The following KATNAL2 variants were observed in gnomAD, a reference collection of about 807,000 sequenced individuals.
KATNAL2 encodes the protein katanin p60 ATPase-containing subunit A-like 2.
A neutral mutation model predicts 76.3 loss-of-function variants in KATNAL2; 52 were observed. The ratio of observed to expected loss-of-function variants is 0.68; its 90% CI spans 0.55 to 0.86. The LOEUF (loss-of-function observed/expected upper bound fraction) is 0.86. Among genes scored for constraint, KATNAL2 ranks in the 40% least tolerant of loss-of-function variants. KATNAL2 has a pLI of 0.00. For missense variants in KATNAL2, 660 were observed against 668.9 expected (o/e 0.99, Z 0.15); for synonymous variants, 243 against 244.2 (o/e 1.00, Z 0.05).
chr18:47,069,160 T>G, intron 11 of KATNAL2, 60 bp from the exon 12 acceptor site: 2 of 1,188,452 alleles, frequency 1.7e-6, no homozygotes, highest in Non-Finnish European at 2.5e-6. Context: ...TTGTCTGTGC[T>G]GAGAGTATGC....
At chr18:47,065,738 C>G (rs1038552588) in intron 10 of KATNAL2, among the ~76,000 whole-genome samples, 2 of 152,002 alleles carry the variant, frequency 1.3e-5, no homozygotes, top group Non-Finnish European at 2.9e-5. Flanking sequence ...AATCTCAGCA[C>G]TTTGGGAGGC....
At chr18:46,933,917 G>C (rs1156517518) in intron 1 of KATNAL2, among the ~76,000 whole-genome samples, 1 of 148,840 alleles carries the variant, frequency 6.7e-6, no homozygotes, top group African/African-American at 2.5e-5. Context: ...TTGTCCTTGC[G>C]ATAGTTTGCT....
At chr18:46,962,239 G>A (rs2060002737) in intron 3 of KATNAL2, among the ~76,000 whole-genome samples, 2 of 137,608 alleles carry the variant, frequency 1.5e-5, no homozygotes, top group Non-Finnish European at 3.0e-5. Flanking sequence ...GGGCTGCAGC[G>A]ATCTGCTTTC....
intron 3 of KATNAL2, among the ~76,000 whole-genome samples, chr18:47,031,432 T>C (rs549241138): frequency 5.1e-4 from 78 of 152,064 alleles, no homozygotes; most frequent in African/African-American, 1.5e-3. Flanking sequence ...TCTTTTTGTG[T>C]GTGTTGTGGT....
intron 15 of KATNAL2, among the ~76,000 whole-genome samples, chr18:47,081,951 CATTCAG>C (rs1416749076): frequency 2.6e-5 from 4 of 152,118 alleles, no homozygotes; most frequent in African/African-American, 9.7e-5. Flanking sequence ...TAGTATTTCC[CATTCAG>C]ATTTAGGATT....
rs555598131 is a variant in KATNAL2, at chr18:47,034,897, G to C, written c.52-11560G>C. ...TGTCCGTCTGTGCTCAGGGCTGTGA[G>C]ATGGGCTCCTGGGGGCCGTCGCGTT... is the stretch of plus-strand genomic sequence containing the variant. On this transcript the variant is annotated intron_variant, in intron 3 of 17. Coordinates refer to ENST00000683218, the MANE Select transcript of KATNAL2 (RefSeq NM_001387690.1). The C allele has an allele frequency of 3.1e-6, 5 of 1,612,114 alleles. No homozygotes were observed. In the South Asian group the frequency reaches 4.4e-5, roughly 14 times the overall value.
chr18:47,080,309 T>G (rs1437462773), intron 15 of KATNAL2, among the ~76,000 whole-genome samples: 1 of 152,174 alleles, frequency 6.6e-6, no homozygotes, highest in Non-Finnish European at 1.5e-5. Flanking sequence ...CCCTAAAATT[T>G]TATTGAGATA....
chr18:47,085,198 T>C (rs2062718337), intron 15 of KATNAL2, among the ~76,000 whole-genome samples: 2 of 152,222 alleles, frequency 1.3e-5, no homozygotes, highest in African/African-American at 4.8e-5. Flanking sequence ...CCCAGCAATG[T>C]CCTCATGGTC....
At chr18:47,069,154 C>A in intron 11 of KATNAL2, 66 bp from the exon 12 acceptor site, 1 of 1,124,356 alleles carries the variant, frequency 8.9e-7, no homozygotes, top group Non-Finnish European at 1.3e-6. Context: ...CCCAGCTTGT[C>A]TGTGCTGAGA....
At chr18:47,032,836 G>C (rs762644812) in intron 3 of KATNAL2, 5 of 1,354,268 alleles carry the variant, frequency 3.7e-6, no homozygotes, top group Non-Finnish European at 3.0e-6. Context: ...GCTGGGTGTG[G>C]GAGGCAAAAT....
intron 15 of KATNAL2, among the ~76,000 whole-genome samples, chr18:47,087,532 C>G (rs1243601823): frequency 6.6e-6 from 1 of 151,982 alleles, no homozygotes; most frequent in African/African-American, 2.4e-5. Context: ...ACAACAGACC[C>G]TGAGGCCTGC....
Position 47,069,582 on chromosome 18 carries a change from T to C in KATNAL2, c.990T>C (p.Asp330=). 6.2e-7 allele frequency: 1 copy of C among 1,612,866 alleles called. No homozygotes were observed. Among genetic ancestry groups the C allele is most frequent in the Non-Finnish European group, 8.5e-7 (1 of 1,179,246 alleles). Residue 330 remains aspartate (D), a synonymous_variant, in exon 13 of 18, where the codon GAT becomes GAC. Coordinates refer to ENST00000683218, the MANE Select transcript of KATNAL2 (RefSeq NM_001387690.1). ...ASTIVSKWRG[D]SEKLVRVLFE... is the part of the protein sequence containing the mutation. ...CCATTGTCAGCAAATGGAGAGGGGATTCAGAAAAACTCGTTCGGGTAGGAA... is the reference window on the plus strand; with the variant it reads ...CCATTGTCAGCAAATGGAGAGGGGACTCAGAAAAACTCGTTCGGGTAGGAA...
intron 1 of KATNAL2, among the ~76,000 whole-genome samples, chr18:46,945,340 T>G (rs979893174): frequency 1.3e-5 from 2 of 152,234 alleles, no homozygotes; most frequent in Non-Finnish European, 2.9e-5. Flanking sequence ...GTATAGTGAT[T>G]GTTAGAAGAA....
chr18:46,932,641 T>C (rs1021056578), intron 1 of KATNAL2, among the ~76,000 whole-genome samples: 5 of 120,988 alleles, frequency 4.1e-5, no homozygotes, highest in Admixed American at 1.0e-4. Flanking sequence ...GCCACTGCAC[T>C]CTAGCTTGGG....
At chr18:47,077,322 T>C (rs2062283593) in intron 14 of KATNAL2, 29 bp from the exon 15 acceptor site, 8 of 1,541,344 alleles carry the variant, frequency 5.2e-6, no homozygotes, top group Non-Finnish European at 7.2e-6. Context: ...CTCTGACACT[T>C]AGGAGAATCA....
chr18:46,920,032 G>GA, intron 1 of KATNAL2: 1 of 1,286,230 alleles, frequency 7.8e-7, no homozygotes, highest in Non-Finnish European at 1.0e-6. Context: ...AGTAAGAAAA[G>GA]AAAAGCAAAG....
chr18:47,071,902 T>A (rs8088604), intron 13 of KATNAL2, among the ~76,000 whole-genome samples: 141,712 of 141,726 alleles, frequency 1, 70,849 homozygotes, highest in Middle Eastern at 1. Flanking sequence ...CAAAAAAAAT[T>A]AATTAAAAAA....
rs190801830 is a variant in KATNAL2, at chr18:46,933,514, T to C, written c.-509-12543T>C. ...GTCTGGTTTTATACTAATCAGGAAA[T>C]CTGAAACCCAGAATGTTGAATAAAC... On this transcript the variant is annotated intron_variant, in intron 1 of 17. Transcript: ENST00000683218. Among the ~76,000 whole-genome samples, 608 of 152,182 alleles carry C rather than the reference T, an allele frequency of 4.0e-3. 2 individuals carry two copies. The highest frequency in any genetic ancestry group is 0.012 in the African/African-American group (508 of 41,520).
rs1419549039 is a variant in KATNAL2 at position 47,059,614 on chromosome 18, T to C, written c.509T>C (p.Ile170Thr). Residue 170 changes from isoleucine (I) to threonine (T), a missense_variant, in exon 8 of 18, where the codon ATC (isoleucine) becomes ACC (threonine). By Grantham distance (89) the Ile-to-Thr change is moderately conservative. Transcript: ENST00000683218. Reference sequence around the variant, plus strand: ...AACTTCGGCCTACATATATCAAGAATCCGTAAAGACAGTGGAGAGGAAAAT... The same window carrying C: ...AACTTCGGCCTACATATATCAAGAACCCGTAAAGACAGTGGAGAGGAAAAT... Reference protein sequence around the residue: ...SANFGLHISRIRKDSGEENAH... With the variant: ...SANFGLHISRTRKDSGEENAH... 6.2e-7 allele frequency: 1 copy of C among 1,613,688 alleles called. No individual in the cohort carries two copies. Among genetic ancestry groups the C allele is most frequent in the Non-Finnish European group, 8.5e-7 (1 of 1,179,644 alleles).
Sources: gnomAD v4.1 joint callset for allele counts (sites outside exome capture counted in the v4.1 genomes callset) on GRCh38, gnomAD v4.1.1 for gene constraint, MANE v1.5 for transcripts, NCBI Gene and HGNC (gene_info 2026-07-23, HGNC 2026-07-21) for gene names.